The following ADAM18 variants were observed in gnomAD, a reference collection of about 807,000 sequenced individuals.
The protein encoded by ADAM18 is ADAM metallopeptidase domain 18, also known as disintegrin and metalloproteinase domain-containing protein 18.
In ADAM18, 117 loss-of-function variants were observed where a neutral mutation model predicts 94.4. The observed-to-expected ratio is 1.24, with a 90% CI of 1.07 to 1.45. The LOEUF (loss-of-function observed/expected upper bound fraction) is 1.45. Ranked by LOEUF, ADAM18 falls within the 40% of genes most tolerant of loss-of-function variation. The pLI is 0.00. For missense variants in ADAM18, 936 were observed against 880.0 expected (o/e 1.06, Z -0.81); for synonymous variants, 327 against 291.6 (o/e 1.12, Z -1.24).
chr8:39,598,221 A>T (rs184805239), intron 2 of ADAM18, among the ~76,000 whole-genome samples: 2 of 151,806 alleles, frequency 1.3e-5, no homozygotes, highest in Non-Finnish European at 1.5e-5. Context: ...ATGAACAAAG[A>T]CAGTTTCATT....
intron 12 of ADAM18, among the ~76,000 whole-genome samples, chr8:39,662,337 T>A (rs9643868): frequency 0.79 from 119,540 of 152,014 alleles, 47,655 homozygotes; most frequent in Middle Eastern, 0.88. Flanking sequence ...GAATCTGGAG[T>A]ATGTAATTAC....
At chr8:39,701,117 C>CAAAA (rs71237188) in intron 17 of ADAM18, among the ~76,000 whole-genome samples, 5,463 of 34,484 alleles carry the variant, frequency 0.16, 1,547 homozygotes, top group Non-Finnish European at 0.21. Flanking sequence ...GACTCTGTCT[C>CAAAA]AAAAAAAAAA....
In ADAM18 at chr8:39,610,745, A is replaced by G. The variant is rs1428310931; in HGVS notation, c.522+39A>G. 10 of 1,574,940 alleles carry G rather than the reference A, an allele frequency of 6.3e-6. No homozygotes were observed. The East Asian group carries it at 2.1e-4, about 33-fold the overall frequency. ...TTCTGATGTTATGACATACTAGAAC[A>G]TTGCCTGTGTAGTTTTCTTGTAAAT... On this transcript the variant is annotated intron_variant, in intron 6 of 19. Coordinates refer to ENST00000265707, the MANE Select transcript of ADAM18 (RefSeq NM_014237.3).
At chr8:39,614,216 A>G (rs961566248) in intron 6 of ADAM18, among the ~76,000 whole-genome samples, 3 of 152,160 alleles carry the variant, frequency 2.0e-5, no homozygotes, top group African/African-American at 7.2e-5. Flanking sequence ...AATATTGCAA[A>G]TAGAGACAAG....
chr8:39,639,514 A>T (rs1820177159), intron 10 of ADAM18, among the ~76,000 whole-genome samples: 1 of 151,938 alleles, frequency 6.6e-6, no homozygotes, highest in Admixed American at 6.6e-5. Flanking sequence ...TTATCTATTG[A>T]CTTCCTATTA....
At position 39,637,739 on chromosome 8, in the gene ADAM18, C is replaced by T; in HGVS notation, c.827+36C>T. On this transcript the variant is annotated intron_variant, in intron 9 of 19. Coordinates refer to ENST00000265707, the MANE Select transcript of ADAM18 (RefSeq NM_014237.3). ...TGTTCTACATTAATAAAGATATCTG[C>T]ATAATTATTTTAAATTGGTAATTTA... The T allele has an allele frequency of 2.8e-6, 4 of 1,446,486 alleles. No homozygotes were observed. In the South Asian group the frequency reaches 6.3e-5, roughly 23 times the overall value. The allele number at this position is 1,446,486 out of a possible 1,614,324, so 89.6% of individuals were successfully genotyped here.
At chr8:39,670,501 T>C (rs1327572062) in intron 14 of ADAM18, among the ~76,000 whole-genome samples, 1 of 152,204 alleles carries the variant, frequency 6.6e-6, no homozygotes, top group Non-Finnish European at 1.5e-5. Flanking sequence ...TTGCATTCTT[T>C]TATTAAGTAA....
At chr8:39,623,491 T>C (rs1220652705) in intron 6 of ADAM18, among the ~76,000 whole-genome samples, 2 of 142,146 alleles carry the variant, frequency 1.4e-5, no homozygotes, top group Non-Finnish European at 3.0e-5. Flanking sequence ...AAGTTCCCTT[T>C]TCACCACATG....
chr8:39,652,334 C>T (rs1438161114), intron 12 of ADAM18, among the ~76,000 whole-genome samples: 1 of 152,044 alleles, frequency 6.6e-6, no homozygotes, highest in African/African-American at 2.4e-5. Context: ...ATATAAAGAA[C>T]TCCAACCACT....
At chr8:39,686,233 G>A (rs1317148870) in intron 16 of ADAM18, among the ~76,000 whole-genome samples, 4 of 152,016 alleles carry the variant, frequency 2.6e-5, no homozygotes, top group Admixed American at 6.6e-5. Flanking sequence ...TCCACCTCTC[G>A]GTACCAATTT....
chr8:39,620,375 C>CAAAAAAAAAAAAAAACCA (rs376218269), intron 6 of ADAM18, among the ~76,000 whole-genome samples: 4 of 88,796 alleles, frequency 4.5e-5, no homozygotes, highest in South Asian at 3.3e-4. Flanking sequence ...AAAAAAAAAA[C>CAAAAAAAAAAAAAAACCA]AAAAAAAAAT....
At chr8:39,636,252 T>A (rs1420921416) in intron 7 of ADAM18, among the ~76,000 whole-genome samples, 1 of 152,102 alleles carries the variant, frequency 6.6e-6, no homozygotes, top group Non-Finnish European at 1.5e-5. Flanking sequence ...TCCCAAAGTG[T>A]TGGGGTTATA....
chr8:39,585,275 G>T lies in ADAM18; in HGVS notation c.56-1G>T, dbSNP rs1280194526. The T allele has an allele frequency of 2.5e-6, 4 of 1,610,758 alleles. No individual in the cohort carries two copies. The East Asian group carries it at 8.9e-5, about 36-fold the overall frequency. On this transcript the variant is annotated splice_acceptor_variant, in intron 1 of 19. Coordinates refer to ENST00000265707, the MANE Select transcript of ADAM18 (RefSeq NM_014237.3). LOFTEE classifies it high-confidence loss of function. ...AAAACAAACACATTTTCTTACTGCA[G>T]GTTCTGAAGGAATATTTCTGCATGT...
intron 13 of ADAM18, among the ~76,000 whole-genome samples, chr8:39,666,897 G>T (rs1340641252): frequency 6.6e-6 from 1 of 151,968 alleles, no homozygotes; most frequent in African/African-American, 2.4e-5. Context: ...TGTATTTTGT[G>T]TGTGTGTTTG....
At chr8:39,690,916 G>A (rs1821756995) in intron 16 of ADAM18, among the ~76,000 whole-genome samples, 1 of 152,142 alleles carries the variant, frequency 6.6e-6, no homozygotes, top group African/African-American at 2.4e-5. Flanking sequence ...TATGTTCATT[G>A]TGAAACTATT....
At chr8:39,675,001 C>T (rs978662308) in intron 14 of ADAM18, among the ~76,000 whole-genome samples, 1 of 152,202 alleles carries the variant, frequency 6.6e-6, no homozygotes, top group East Asian at 1.9e-4. Context: ...CACTGTTAGT[C>T]TGATGGGCTT....
At position 39,645,559 on chromosome 8, in the gene ADAM18, G is replaced by A. The variant is rs146571660; in HGVS notation, c.1046+85G>A. On this transcript the variant is annotated intron_variant, in intron 11 of 19. Transcript: ENST00000265707. ...ATAATGTTTTTAAACTTTTATATTC[G>A]GCACCACATCAATGGCTAGAAAGTT... The A allele has an allele frequency of 2.4e-4, 316 of 1,344,654 alleles. No individual in the cohort carries two copies. In the African/African-American group the frequency reaches 3.1e-3, roughly 13 times the overall value. The allele number at this position is 1,344,654 out of a possible 1,614,324, so 83.3% of individuals were successfully genotyped here.
In ADAM18 at chr8:39,626,425, G is replaced by C. The variant is rs561828492; in HGVS notation, c.523-2949G>C. Among the ~76,000 whole-genome samples, 50 of 151,312 alleles carry C rather than the reference G, an allele frequency of 3.3e-4. 1 individual carries two copies. The highest frequency in any genetic ancestry group is 2.9e-3 in the South Asian group (14 of 4,804). ...ATTTAAACCTGCTCCGATCTTTGTT[G>C]TTTCTTTCCTTCTGCTTGCTTTGGG... On this transcript the variant is annotated intron_variant, in intron 6 of 19. Coordinates refer to ENST00000265707, the MANE Select transcript of ADAM18 (RefSeq NM_014237.3).
rs532655998 is a variant in ADAM18 at position 39,686,452 on chromosome 8, T to C, written c.1822-6148T>C. ...TGACAGAAAGGGTGAACAAGCTCCA[T>C]TGAACCTCTTTTATTAAGGCGCTAA... On this transcript the variant is annotated intron_variant, in intron 16 of 19. Coordinates refer to ENST00000265707, the MANE Select transcript of ADAM18 (RefSeq NM_014237.3). Among the ~76,000 whole-genome samples the C allele has an allele frequency of 5.3e-5, 8 of 152,320 alleles. No individual in the cohort carries two copies. In the East Asian group the frequency reaches 7.7e-4, roughly 15 times the overall value.
Sources: gnomAD v4.1 joint callset for allele counts (sites outside exome capture counted in the v4.1 genomes callset) on GRCh38, gnomAD v4.1.1 for gene constraint, MANE v1.5 for transcripts, NCBI Gene and HGNC (gene_info 2026-07-23, HGNC 2026-07-21) for gene names.